The following GPHN variants were observed in gnomAD, a reference collection of about 807,000 sequenced individuals.
GPHN encodes the protein gephyrin.
GPHN carries 17 observed loss-of-function variants against 95.5 expected under a neutral mutation model. The ratio of observed to expected loss-of-function variants is 0.18; its 90% CI spans 0.12 to 0.27. GPHN has a LOEUF of 0.27. Ranked by LOEUF, GPHN falls within the 10% of genes least tolerant of loss-of-function variation. The pLI, the probability that GPHN is intolerant of heterozygous loss-of-function variation, is 1.00. For missense variants in GPHN, 660 were observed against 978.1 expected (o/e 0.67, Z 4.34); for synonymous variants, 320 against 322.5 (o/e 0.99, Z 0.08).
chr14:67,487,313 C>T, the GPHN span: 4 of 152,460 alleles, frequency 2.6e-5, no homozygotes, highest in African/African-American at 9.7e-5. Flanking sequence ...CGGAACCTAC[C>T]CCCTCCTCTT....
At chr14:66,709,336 G>A (rs1300740162) in intron 2 of GPHN, 1 of 455,990 alleles carries the variant, frequency 2.2e-6, no homozygotes, top group East Asian at 6.9e-5. Flanking sequence ...AGCCTGTACT[G>A]TAGTCCCCTT....
intron 11 of GPHN, 56 bp downstream of exon 11, chr14:67,058,842 T>C (rs772014939): frequency 4.9e-6 from 7 of 1,420,450 alleles, no homozygotes; most frequent in Non-Finnish European, 5.0e-6. Flanking sequence ...CCAAATAAGA[T>C]TCATGTAACA....
chr14:67,132,346 C>T (rs1390517395), intron 17 of GPHN, among the ~76,000 whole-genome samples: 1 of 152,156 alleles, frequency 6.6e-6, no homozygotes, highest in Non-Finnish European at 1.5e-5. Flanking sequence ...TAATTTAGAT[C>T]TGAATTTAAT....
chr14:67,325,979 C>CTTTTTTTTTTTTTTTT, the GPHN span, among the ~76,000 whole-genome samples: 5 of 110,222 alleles, frequency 4.5e-5, no homozygotes, highest in African/African-American at 1.6e-4. Context: ...CGGCTCTTTT[C>CTTTTTTTTTTTTTTTT]TTTTTTTTTT....
chr14:67,302,171 G>C, the GPHN span: 39 of 1,509,406 alleles, frequency 2.6e-5, 1 homozygote, highest in South Asian at 5.6e-5. Flanking sequence ...GCTGTTGTGT[G>C]CTTCAAAAGT....
At chr14:66,615,530 G>A (rs1315921007) in intron 1 of GPHN, among the ~76,000 whole-genome samples, 1 of 148,884 alleles carries the variant, frequency 6.7e-6, no homozygotes, top group Non-Finnish European at 1.5e-5. Flanking sequence ...TTTGAGAAGT[G>A]TCTGTTCATA....
At chr14:67,289,168 A>G in the GPHN span, among the ~76,000 whole-genome samples, 47 of 151,782 alleles carry the variant, frequency 3.1e-4, no homozygotes, top group Non-Finnish European at 5.3e-4. Flanking sequence ...GAGTTTTGCC[A>G]TGTTGGCCAG....
At chr14:67,648,008 G>A in the GPHN span, 2 of 1,541,730 alleles carry the variant, frequency 1.3e-6, no homozygotes, top group African/African-American at 1.4e-5. Context: ...AACCAGTTAA[G>A]TATTATTTTA....
At chr14:67,461,175 C>T in the GPHN span, among the ~76,000 whole-genome samples, 11 of 152,190 alleles carry the variant, frequency 7.2e-5, no homozygotes, top group African/African-American at 2.7e-4. Context: ...AGGAGAATGT[C>T]TCTCCTAATA....
chr14:67,110,099 C>T (rs1193411307), intron 13 of GPHN, 41 bp from the exon 14 acceptor site: 1 of 1,597,042 alleles, frequency 6.3e-7, no homozygotes. Flanking sequence ...TCCTTTGCAG[C>T]AGCAAAGTAC....
At chr14:67,191,242 AC>A in the GPHN span, among the ~76,000 whole-genome samples, 1 of 152,248 alleles carries the variant, frequency 6.6e-6, no homozygotes, top group African/African-American at 2.4e-5. Context: ...TCAAAAAAAA[AC>A]AGCCATCATG....
At chr14:66,979,027 G>A (rs1196401722) in intron 9 of GPHN, among the ~76,000 whole-genome samples, 1 of 152,216 alleles carries the variant, frequency 6.6e-6, no homozygotes, top group African/African-American at 2.4e-5. Context: ...TGTCTAAGCA[G>A]TGGATTTAAC....
chr14:67,403,671 A>G, the GPHN span, among the ~76,000 whole-genome samples: 1 of 152,360 alleles, frequency 6.6e-6, no homozygotes, highest in Non-Finnish European at 1.5e-5. Flanking sequence ...GTAGACAAGA[A>G]ATTCAAATAA....
At chr14:67,278,930 G>T in the GPHN span, 2 of 325,286 alleles carry the variant, frequency 6.1e-6, no homozygotes, top group Non-Finnish European at 1.1e-5. Flanking sequence ...TATTTTCTAC[G>T]TTGTATGGTG....
chr14:66,884,301 T>C (rs10047906), intron 5 of GPHN, among the ~76,000 whole-genome samples: 38,116 of 151,958 alleles, frequency 0.25, 9,685 homozygotes, highest in African/African-American at 0.62. Context: ...ATCTGCCTGC[T>C]ATTATTTACA....
chr14:67,146,363 C>T (rs1370788090), intron 18 of GPHN, among the ~76,000 whole-genome samples: 3 of 152,166 alleles, frequency 2.0e-5, no homozygotes, highest in Non-Finnish European at 2.9e-5. Flanking sequence ...TTTTACAAAA[C>T]ACTGAAAGCT....
rs142171411 is a variant in GPHN at position 66,928,515 on chromosome 14, A to C, written c.828+4223A>C. ...TTTGTACTGTTTTTTGTTTGTCTTA[A>C]TTTCATTTATTGCTGCTCTGATCTT... On this transcript the variant is annotated intron_variant, in intron 8 of 22. Coordinates refer to ENST00000478722, the MANE Select transcript of GPHN (RefSeq NM_020806.5). Among the ~76,000 whole-genome samples, 408 of 151,814 alleles carry C rather than the reference A, an allele frequency of 2.7e-3. 1 individual carries two copies. Among genetic ancestry groups the C allele is most frequent in the Non-Finnish European group, 4.7e-3 (320 of 67,888 alleles).
intron 1 of GPHN, among the ~76,000 whole-genome samples, chr14:66,565,308 G>T (rs965883302): frequency 6.6e-5 from 10 of 152,052 alleles, no homozygotes; most frequent in African/African-American, 2.2e-4. Flanking sequence ...GTGTGTGTGT[G>T]TGTTTTGAGG....
the GPHN span, among the ~76,000 whole-genome samples, chr14:67,204,339 T>A: frequency 3.3e-5 from 5 of 152,124 alleles, no homozygotes; most frequent in Admixed American, 3.3e-4. Flanking sequence ...CTCAGGAGGA[T>A]GAGGTGGGAG....
Sources: gnomAD v4.1 joint callset for allele counts (sites outside exome capture counted in the v4.1 genomes callset) on GRCh38, gnomAD v4.1.1 for gene constraint, MANE v1.5 for transcripts, NCBI Gene and HGNC (gene_info 2026-07-23, HGNC 2026-07-21) for gene names.